STK39: variants seen among roughly 807,000 people sequenced by gnomAD.
STK39 encodes serine/threonine kinase 39.
A neutral mutation model predicts 77.8 loss-of-function variants in STK39; 20 were observed. That is an observed-to-expected ratio of 0.26 (90% confidence interval 0.18 to 0.37). The LOEUF (loss-of-function observed/expected upper bound fraction) is 0.37. Ranked by LOEUF, STK39 falls within the 10% of genes least tolerant of loss-of-function variation. STK39 has a pLI of 1.00. For missense variants in STK39, 479 were observed against 656.5 expected, an observed-to-expected ratio of 0.73 and a Z score of 2.95; for synonymous variants, 246 against 234.1, an observed-to-expected ratio of 1.05 and a Z score of -0.47.
In STK39 at chr2:168,245,235, TCTA is replaced by T. The variant is rs142754712; in HGVS notation, c.208+1990_208+1992del. On this transcript the variant is annotated intron_variant, in intron 1 of 17. Transcript: ENST00000355999. Reference sequence around the variant, plus strand: ...CTTAAAACCCAGCTCAACTACGACCTCTACTAAGAAATACTCTGCTTCCTTCTC... The same window carrying T: ...CTTAAAACCCAGCTCAACTACGACCTCTAAGAAATACTCTGCTTCCTTCTC... Among the ~76,000 whole-genome samples the T allele has an allele frequency of 8.3e-3, 1,259 of 152,282 alleles. 17 individuals are homozygous for T. The highest frequency in any genetic ancestry group is 0.029 in the African/African-American group (1,191 of 41,542).
chr2:168,036,028 G>A (rs1476447484), intron 14 of STK39, among the ~76,000 whole-genome samples: 1 of 152,154 alleles, frequency 6.6e-6, no homozygotes, highest in Non-Finnish European at 1.5e-5. Context: ...CAGCGAATAC[G>A]TGAGTCTGTC....
intron 14 of STK39, among the ~76,000 whole-genome samples, chr2:168,057,681 T>C (rs1685562112): frequency 6.6e-6 from 1 of 152,174 alleles, no homozygotes. Flanking sequence ...CCTGCTCTCC[T>C]ACACAATTAT....
chr2:168,110,633 C>A (rs904948283), intron 10 of STK39, among the ~76,000 whole-genome samples: 1 of 152,102 alleles, frequency 6.6e-6, no homozygotes, highest in Non-Finnish European at 1.5e-5. Flanking sequence ...ATAATACATC[C>A]CTGTCATACA....
intron 1 of STK39, among the ~76,000 whole-genome samples, chr2:168,214,742 A>C (rs1351388431): frequency 2.0e-5 from 3 of 152,224 alleles, no homozygotes; most frequent in African/African-American, 7.2e-5. Context: ...AGGCACGAGT[A>C]AGGGAATAAG....
chr2:167,970,705 C>T lies in STK39; in HGVS notation c.1499-5979G>A, dbSNP rs115537909. The stretch of plus-strand genomic sequence containing the variant: ...ACTGCAACCTAACTTAATAAGCAGA[C>T]AAGATTGAAAACCTAACTTAGGAGT... On this transcript the variant is annotated intron_variant, in intron 16 of 17. Coordinates refer to ENST00000355999, the MANE Select transcript of STK39 (RefSeq NM_013233.3). Among the ~76,000 whole-genome samples, 1,474 of 152,300 alleles carry T rather than the reference C, an allele frequency of 9.7e-3. 30 individuals carry two copies. Among genetic ancestry groups the T allele is most frequent in the African/African-American group, 0.034 (1,406 of 41,566 alleles).
At chr2:168,078,635 G>T (rs1686144632) in intron 10 of STK39, among the ~76,000 whole-genome samples, 1 of 151,812 alleles carries the variant, frequency 6.6e-6, no homozygotes, top group Non-Finnish European at 1.5e-5. Context: ...AGAAATGCAG[G>T]TGTGTGATTC....
intron 10 of STK39, among the ~76,000 whole-genome samples, chr2:168,076,916 C>A (rs915140732): frequency 6.6e-6 from 1 of 152,174 alleles, no homozygotes; most frequent in South Asian, 2.1e-4. Context: ...TCAGCATTTG[C>A]AGAACAGATT....
intron 14 of STK39, among the ~76,000 whole-genome samples, chr2:168,029,528 G>A (rs1684781226): frequency 6.6e-6 from 1 of 152,164 alleles, no homozygotes; most frequent in South Asian, 2.1e-4. Context: ...TTGCCTGAGT[G>A]ATGGCATTTC....
chr2:168,107,572 C>T (rs999970540), intron 10 of STK39, among the ~76,000 whole-genome samples: 1 of 152,180 alleles, frequency 6.6e-6, no homozygotes. Context: ...GAAGTCTGGA[C>T]TGACTCATTA....
chr2:168,030,991 A>G (rs1005112633), intron 14 of STK39, among the ~76,000 whole-genome samples: 1 of 152,218 alleles, frequency 6.6e-6, no homozygotes, highest in Non-Finnish European at 1.5e-5. Context: ...TGTCTAAACA[A>G]ACCAAAAATC....
At chr2:168,006,481 G>A (rs1288131168) in intron 16 of STK39, among the ~76,000 whole-genome samples, 2 of 151,986 alleles carry the variant, frequency 1.3e-5, no homozygotes, top group Non-Finnish European at 2.9e-5. Flanking sequence ...ATTTCTTGCC[G>A]GCTGTTTTTT....
At chr2:168,102,434 C>T (rs1686853977) in intron 10 of STK39, among the ~76,000 whole-genome samples, 1 of 152,128 alleles carries the variant, frequency 6.6e-6, no homozygotes, top group African/African-American at 2.4e-5. Flanking sequence ...AATCCGTATT[C>T]CTGTTGGGTA....
intron 14 of STK39, among the ~76,000 whole-genome samples, chr2:168,055,206 A>G (rs1685492749): frequency 6.6e-6 from 1 of 152,244 alleles, no homozygotes; most frequent in Admixed American, 6.5e-5. Context: ...TTATACAAAT[A>G]ACCCTATTTT....
intron 10 of STK39, among the ~76,000 whole-genome samples, chr2:168,083,486 T>C (rs1204254648): frequency 6.6e-6 from 1 of 152,014 alleles, no homozygotes; most frequent in Non-Finnish European, 1.5e-5. Context: ...CACCTTGGAG[T>C]AGTTCACAGT....
chr2:168,176,994 C>T (rs1434474607), intron 2 of STK39, among the ~76,000 whole-genome samples: 1 of 152,114 alleles, frequency 6.6e-6, no homozygotes, highest in Non-Finnish European at 1.5e-5. Flanking sequence ...CAGAATTTGT[C>T]ATCACACAAA....
chr2:168,158,424 C>G (rs764625043), intron 5 of STK39, among the ~76,000 whole-genome samples: 45 of 152,102 alleles, frequency 3.0e-4, no homozygotes, highest in Non-Finnish European at 5.3e-4. Context: ...GAAACCTTAC[C>G]AGGGACACCC....
Position 168,136,139 on chromosome 2 carries a change from C to T in STK39, c.974+1949G>A, listed in dbSNP as rs1460148323. ...ATCCCAGCACTTTGGGAGGCCAAGG[C>T]GGGCGAATCACGAGGTCAGGAGATC... On this transcript the variant is annotated intron_variant, in intron 8 of 17. Transcript: ENST00000355999. 4.6e-5 allele frequency among the ~76,000 whole-genome samples: 7 copies of T among 151,682 alleles called. No homozygotes were observed. The East Asian group carries it at 9.6e-4, about 21-fold the overall frequency.
intron 16 of STK39, among the ~76,000 whole-genome samples, chr2:167,983,292 C>A (rs1683471892): frequency 6.6e-6 from 1 of 151,882 alleles, no homozygotes; most frequent in African/African-American, 2.4e-5. Flanking sequence ...CCAGCTTGAC[C>A]AAGATGGTGA....
At chr2:168,161,949 T>C (rs1688583633) in intron 4 of STK39, 107 bp from the exon 5 acceptor site, 4 of 719,104 alleles carry the variant, frequency 5.6e-6, no homozygotes, top group Non-Finnish European at 2.2e-6. Context: ...CTCTTTGACA[T>C]AATAATTTCA....
Sources: gnomAD v4.1 joint callset for allele counts (sites outside exome capture counted in the v4.1 genomes callset) on GRCh38, gnomAD v4.1.1 for gene constraint, MANE v1.5 for transcripts, NCBI Gene and HGNC (gene_info 2026-07-23, HGNC 2026-07-21) for gene names.